The following ITGAD variants were observed in gnomAD, a reference collection of about 807,000 sequenced individuals.
ITGAD encodes the protein integrin subunit alpha D, also known as integrin alpha-D.
A neutral mutation model predicts 139.0 loss-of-function variants in ITGAD; 105 were observed. That is an observed-to-expected ratio of 0.76 (90% CI 0.65 to 0.89). ITGAD has a LOEUF of 0.89. ITGAD is among the 40% of genes least tolerant of loss of function. The pLI, the probability that ITGAD is intolerant of heterozygous loss-of-function variation, is 0.00. For synonymous variants in ITGAD, 569 were observed against 598.3 expected, an observed-to-expected ratio of 0.95 and a Z score of 0.71; for missense variants, 1,384 against 1,487.3, an observed-to-expected ratio of 0.93 and a Z score of 1.14.
At position 31,407,603 on chromosome 16, in the gene ITGAD, C is replaced by A; in HGVS notation, c.793C>A (p.Pro265Thr). 1.2e-6 allele frequency: 2 copies of A among 1,613,976 alleles called. No individual in the cohort carries two copies. Among genetic ancestry groups the A allele is most frequent in the African/African-American group, 1.3e-5 (1 of 75,016 alleles). Residue 265 changes from proline (P) to threonine (T), a missense_variant, in exon 8 of 30, where the codon CCC becomes ACC. By Grantham distance (38) the Pro-to-Thr change is conservative (BLOSUM62 -1). Transcript: ENST00000389202. Reference sequence around the variant, plus strand: ...CACAGATGGGCAGAAGTACAAAGACCCCCTGGAATACAGTGATGTCATCCC... The same window carrying A: ...CACAGATGGGCAGAAGTACAAAGACACCCTGGAATACAGTGATGTCATCCC... ...VITDGQKYKD[P>T]LEYSDVIPQA...
In ITGAD at chr16:31,397,404, G is replaced by C. The variant is rs145206324; in HGVS notation, c.183G>C (p.Thr61=). 9 of 1,604,622 alleles carry C rather than the reference G, an allele frequency of 5.6e-6. No homozygotes were observed. The highest frequency in any genetic ancestry group is 7.7e-6 in the Non-Finnish European group (9 of 1,176,148). ...APLEVVAANQ[T]GRLYDCAAAT... ...TGGAGGTGGTGGCGGCCAACCAGAC[G>C]GGACGGCTGTATGACTGCGCAGCTG... is the stretch of plus-strand genomic sequence containing the variant. Residue 61 remains threonine (T), a synonymous_variant, in exon 3 of 30, where the codon ACG becomes ACC. Coordinates refer to ENST00000389202, the MANE Select transcript of ITGAD (RefSeq NM_005353.3).
At chr16:31,399,243 CAG>C (rs963042437) in intron 5 of ITGAD, among the ~76,000 whole-genome samples, 2 of 152,178 alleles carry the variant, frequency 1.3e-5, no homozygotes, top group African/African-American at 4.8e-5. Flanking sequence ...GCTCAATAAT[CAG>C]GGGGTTATGA....
chr16:31,404,901 C>T (rs749038118), intron 7 of ITGAD, among the ~76,000 whole-genome samples: 1 of 149,054 alleles, frequency 6.7e-6, no homozygotes, highest in East Asian at 2.0e-4. Context: ...CATTTCTTCT[C>T]TCACTCTGTT....
intron 7 of ITGAD, among the ~76,000 whole-genome samples, chr16:31,405,281 A>G (rs1472948466): frequency 1.3e-5 from 2 of 152,160 alleles, no homozygotes; most frequent in African/African-American, 4.8e-5. Flanking sequence ...CACCATGCCC[A>G]GCCTCTTCCT....
At chr16:31,417,898 G>A (rs1197058750) in intron 20 of ITGAD, among the ~76,000 whole-genome samples, 177 bp from the exon 21 acceptor site, 1 of 152,056 alleles carries the variant, frequency 6.6e-6, no homozygotes, top group East Asian at 1.9e-4. Flanking sequence ...AGTGAACCAC[G>A]ATCATGCCAT....
intron 7 of ITGAD, among the ~76,000 whole-genome samples, chr16:31,405,949 A>C (rs1422451969): frequency 6.6e-6 from 1 of 152,154 alleles, no homozygotes; most frequent in Non-Finnish European, 1.5e-5. Flanking sequence ...AGGCTAGGTC[A>C]TGACTGGCTA....
chr16:31,398,034 C>T (rs1361338977), intron 5 of ITGAD, 125 bp downstream of exon 5: 1 of 666,528 alleles, frequency 1.5e-6, no homozygotes, highest in Non-Finnish European at 2.5e-6. Flanking sequence ...AGGAGAGAAG[C>T]CAGGAGAAGA....
chr16:31,411,552 T>C lies in ITGAD; in HGVS notation c.1707+35T>C, dbSNP rs764622847. On this transcript the variant is annotated intron_variant, in intron 14 of 29. Coordinates refer to ENST00000389202, the MANE Select transcript of ITGAD (RefSeq NM_005353.3). ...GTCTTCAGCCTCTTTTAGTCCCAGC[T>C]CCTTCCCATGTCCTGAGTTCACTGA... The C allele has an allele frequency of 2.5e-6, 4 of 1,603,080 alleles. No homozygotes were observed. The East Asian group carries it at 8.9e-5, about 36-fold the overall frequency.
Position 31,397,449 on chromosome 16 carries a change from C to A in ITGAD, c.228C>A (p.Pro76=). 6.3e-7 allele frequency: 1 copy of A among 1,595,704 alleles called. No homozygotes were observed. Among genetic ancestry groups the A allele is most frequent in the East Asian group, 2.3e-5 (1 of 43,980 alleles). ...CAGCTGCCACCGGCATGTGCCAGCC[C>A]ATCCCGCTGCACAGTGAGTGACCAC... ...DCAAATGMCQ[P]IPLHIRPEAV... Residue 76 remains proline, a synonymous_variant, in exon 3 of 30, where the codon CCC becomes CCA. Coordinates refer to ENST00000389202, the MANE Select transcript of ITGAD (RefSeq NM_005353.3).
intron 23 of ITGAD, among the ~76,000 whole-genome samples, chr16:31,421,984 G>C (rs1303947248): frequency 6.6e-6 from 1 of 152,120 alleles, no homozygotes; most frequent in Non-Finnish European, 1.5e-5. Flanking sequence ...AGGCTGGAGG[G>C]GAGTGGTGTG....
intron 23 of ITGAD, among the ~76,000 whole-genome samples, chr16:31,421,633 G>GT (rs1365328976): frequency 1.3e-5 from 2 of 152,088 alleles, no homozygotes; most frequent in Admixed American, 6.6e-5. Context: ...TTATGGAGGA[G>GT]TCCCTGTGTG....
intron 23 of ITGAD, among the ~76,000 whole-genome samples, chr16:31,422,105 A>ATT (rs537741434): frequency 0.045 from 6,119 of 137,488 alleles, 448 homozygotes; most frequent in African/African-American, 0.15. Flanking sequence ...TAATGTTTGT[A>ATT]TTTTTTTTTT....
intron 28 of ITGAD, 69 bp downstream of exon 28, chr16:31,424,272 G>C: frequency 6.3e-7 from 1 of 1,585,724 alleles, no homozygotes; most frequent in Non-Finnish European, 8.7e-7. Flanking sequence ...GTGGTGCTGG[G>C]TGGGGGGTTT....
At chr16:31,401,156 A>G (rs2081393914) in intron 5 of ITGAD, among the ~76,000 whole-genome samples, 1 of 152,162 alleles carries the variant, frequency 6.6e-6, no homozygotes, top group South Asian at 2.1e-4. Context: ...GCTACTCAGG[A>G]GACTGAGGTG....
intron 5 of ITGAD, among the ~76,000 whole-genome samples, chr16:31,400,860 C>T (rs867592928): frequency 6.6e-6 from 1 of 152,158 alleles, no homozygotes; most frequent in Non-Finnish European, 1.5e-5. Context: ...CCCACCTCAG[C>T]GTCCCAAAGT....
rs761068465 is a variant in ITGAD at position 31,423,191 on chromosome 16, G to A, written c.2858G>A (p.Arg953His). The A allele has an allele frequency of 1.1e-5, 17 of 1,613,300 alleles. No individual in the cohort carries two copies. Among genetic ancestry groups the A allele is most frequent in the South Asian group, 4.4e-5 (4 of 91,072 alleles). ...ATGAAAGAGGCTGAGCATCGATACC[G>A]TGTGAGAGTCTAGGGAGTATCCATG... ...KKMKEAEHRY[R>H]VNNLSQRDLA... Residue 953 changes from arginine to histidine, a missense_variant and splice_region_variant, in exon 24 of 30, where the codon CGT (arginine) becomes CAT (histidine). By Grantham distance (29) the Arg-to-His change is conservative. Coordinates refer to ENST00000389202, the MANE Select transcript of ITGAD (RefSeq NM_005353.3).
intron 16 of ITGAD, among the ~76,000 whole-genome samples, 170 bp from the exon 17 acceptor site, chr16:31,414,281 A>ATCCATCCT (rs773182947): frequency 6.6e-6 from 1 of 151,624 alleles, no homozygotes; most frequent in African/African-American, 2.4e-5. Flanking sequence ...CCATCCATCC[A>ATCCATCCT]TCCATCATCT....
intron 16 of ITGAD, among the ~76,000 whole-genome samples, chr16:31,414,117 T>C (rs2081814342): frequency 1.3e-5 from 2 of 152,184 alleles, no homozygotes; most frequent in Non-Finnish European, 2.9e-5. Flanking sequence ...TATCTACCAA[T>C]CTATCACCTA....
Position 31,393,395 on chromosome 16 carries a change from A to G in ITGAD, c.31+4A>G, listed in dbSNP as rs756052454. The G allele has an allele frequency of 1.2e-6, 2 of 1,613,898 alleles. No homozygotes were observed. Among genetic ancestry groups the G allele is most frequent in the Admixed American group, 3.3e-5 (2 of 59,986 alleles). On this transcript the variant is annotated splice_donor_region_variant and intron_variant, in intron 1 of 29. Transcript: ENST00000389202. ...GGCACTGTGCTTCTTCTGAGTGGTA[A>G]GTGGGGCCAGGGTGCTGGGGAGAAG...
Sources: gnomAD v4.1 joint callset for allele counts (sites outside exome capture counted in the v4.1 genomes callset) on GRCh38, gnomAD v4.1.1 for gene constraint, MANE v1.5 for transcripts, NCBI Gene and HGNC (gene_info 2026-07-23, HGNC 2026-07-21) for gene names.